ARHGAP24: variants seen among roughly 807,000 people sequenced by gnomAD.
ARHGAP24 encodes the protein rho GTPase-activating protein 24.
ARHGAP24 carries 50 observed loss-of-function variants against 76.4 expected under a neutral mutation model. The observed-to-expected ratio is 0.65, with a 90% CI of 0.52 to 0.83. The LOEUF is 0.83. Ranked by LOEUF, ARHGAP24 falls within the 40% of genes least tolerant of loss-of-function variation. The pLI, the probability that ARHGAP24 is intolerant of heterozygous loss-of-function variation, is 0.00. For missense variants in ARHGAP24, 930 were observed against 914.2 expected (o/e 1.02, Z -0.22); for synonymous variants, 345 against 323.3 (o/e 1.07, Z -0.72).
chr4:85,968,207 T>C (rs567187298), intron 5 of ARHGAP24, among the ~76,000 whole-genome samples: 1 of 152,250 alleles, frequency 6.6e-6, no homozygotes, highest in South Asian at 2.1e-4. Context: ...AAAAGAATTT[T>C]TGTCTGTGCA....
intron 3 of ARHGAP24, among the ~76,000 whole-genome samples, chr4:85,922,281 A>G (rs1156550531): frequency 6.6e-6 from 1 of 152,196 alleles, no homozygotes; most frequent in African/African-American, 2.4e-5. Flanking sequence ...GTCCTTCTCA[A>G]CCTAGAGCAT....
intron 3 of ARHGAP24, among the ~76,000 whole-genome samples, chr4:85,802,145 T>A (rs1372169884): frequency 6.6e-6 from 1 of 152,130 alleles, no homozygotes; most frequent in Admixed American, 6.6e-5. Context: ...GGATAAGAAT[T>A]AATAGCACTG....
chr4:85,714,447 T>C (rs1241922809), intron 2 of ARHGAP24, among the ~76,000 whole-genome samples: 1 of 110,330 alleles, frequency 9.1e-6, no homozygotes, highest in African/African-American at 3.5e-5. Context: ...AGATCTGCAG[T>C]TTACAATATA....
intron 2 of ARHGAP24, among the ~76,000 whole-genome samples, chr4:85,626,767 G>T (rs1720969365): frequency 6.6e-6 from 1 of 152,090 alleles, no homozygotes; most frequent in South Asian, 2.1e-4. Context: ...TGGAGGCTTT[G>T]TTGGTTTCTT....
intron 3 of ARHGAP24, among the ~76,000 whole-genome samples, chr4:85,779,461 CACA>C (rs1224127734): frequency 6.6e-6 from 1 of 152,146 alleles, no homozygotes; most frequent in Non-Finnish European, 1.5e-5. Context: ...CTAAACTCAT[CACA>C]GCTTGGTAGA....
chr4:85,497,774 C>T (rs1158845913), intron 1 of ARHGAP24, among the ~76,000 whole-genome samples: 1 of 152,024 alleles, frequency 6.6e-6, no homozygotes, highest in Non-Finnish European at 1.5e-5. Flanking sequence ...GAGCCAAGAT[C>T]GTGCCATTGC....
intron 3 of ARHGAP24, among the ~76,000 whole-genome samples, chr4:85,769,356 A>G (rs1443819956): frequency 3.3e-5 from 5 of 152,210 alleles, no homozygotes; most frequent in African/African-American, 1.2e-4. Flanking sequence ...TAAGTTTTAC[A>G]GTTAAATCTG....
At chr4:85,485,977 G>A (rs1371054080) in intron 1 of ARHGAP24, among the ~76,000 whole-genome samples, 3 of 152,074 alleles carry the variant, frequency 2.0e-5, no homozygotes, top group Non-Finnish European at 4.4e-5. Flanking sequence ...CACCTCAAGT[G>A]CTCCACTCAC....
chr4:85,523,796 T>C (rs541918436), intron 1 of ARHGAP24, among the ~76,000 whole-genome samples: 70 of 151,820 alleles, frequency 4.6e-4, no homozygotes, highest in African/African-American at 1.6e-3. Context: ...AGAAAGATTA[T>C]TTTTCTACCT....
intron 2 of ARHGAP24, among the ~76,000 whole-genome samples, chr4:85,708,871 T>C (rs996036867): frequency 2.6e-4 from 40 of 152,222 alleles, no homozygotes; most frequent in African/African-American, 8.0e-4. Context: ...ATCTTTTCTA[T>C]AGAGTCCTAC....
intron 3 of ARHGAP24, among the ~76,000 whole-genome samples, chr4:85,808,606 C>A (rs947898524): frequency 6.6e-6 from 1 of 152,140 alleles, no homozygotes; most frequent in Non-Finnish European, 1.5e-5. Flanking sequence ...TCTGACTTGA[C>A]TCTTAATATT....
At chr4:85,513,696 G>T (rs530798355) in intron 1 of ARHGAP24, among the ~76,000 whole-genome samples, 1 of 152,338 alleles carries the variant, frequency 6.6e-6, no homozygotes, top group East Asian at 1.9e-4. Flanking sequence ...CAAACTATGG[G>T]AAGGATTGGC....
At chr4:85,713,783 A>T (rs1318375136) in intron 2 of ARHGAP24, among the ~76,000 whole-genome samples, 1 of 152,116 alleles carries the variant, frequency 6.6e-6, no homozygotes, top group East Asian at 1.9e-4. Flanking sequence ...TTGGAATGGA[A>T]ATTGTTGGCA....
At chr4:85,831,420 A>G (rs1729987289) in intron 3 of ARHGAP24, among the ~76,000 whole-genome samples, 1 of 152,196 alleles carries the variant, frequency 6.6e-6, no homozygotes, top group African/African-American at 2.4e-5. Context: ...TAAAATCAAT[A>G]AAAAGAGAGA....
chr4:85,475,295 G>C lies in ARHGAP24; in HGVS notation c.-285G>C, dbSNP rs1309462606. The C allele has an allele frequency of 6.6e-6, 1 of 152,394 alleles. No individual in the cohort carries two copies. Among genetic ancestry groups the C allele is most frequent in the South Asian group, 2.1e-4 (1 of 4,838 alleles). The allele number at this position is 152,394 out of a possible 1,614,324, so 9.4% of individuals were successfully genotyped here. ...TGTCAAGGCTGCGGCGGGGACCAGA[G>C]AGGAGCCTGGCGGGGGTGGCTGGGT... On this transcript the variant is annotated 5_prime_UTR_variant, in exon 1 of 10. Coordinates refer to ENST00000395184, the MANE Select transcript of ARHGAP24 (RefSeq NM_001025616.3).
At chr4:85,997,543 A>G (rs1489988241) in intron 9 of ARHGAP24, among the ~76,000 whole-genome samples, 1 of 152,184 alleles carries the variant, frequency 6.6e-6, no homozygotes, top group African/African-American at 2.4e-5. Context: ...GTAGACAGAT[A>G]GATAATATTT....
At chr4:85,628,557 T>C (rs1416853947) in intron 2 of ARHGAP24, among the ~76,000 whole-genome samples, 1 of 152,216 alleles carries the variant, frequency 6.6e-6, no homozygotes, top group Non-Finnish European at 1.5e-5. Flanking sequence ...TCCTCACTGA[T>C]TTTCTGTCTG....
intron 2 of ARHGAP24, among the ~76,000 whole-genome samples, chr4:85,608,343 T>A (rs72982057): frequency 0.028 from 4,327 of 152,216 alleles, 202 homozygotes; most frequent in African/African-American, 0.099. Context: ...ACAAGTTGAA[T>A]GTTACCTGTT....
intron 3 of ARHGAP24, among the ~76,000 whole-genome samples, chr4:85,895,736 T>C (rs1485174987): frequency 6.6e-6 from 1 of 152,188 alleles, no homozygotes. Context: ...GAAGGGTGTT[T>C]TGTGAGAATT....
Sources: allele counts gnomAD v4.1 joint callset (sites outside exome capture counted in the v4.1 genomes callset), GRCh38; gene constraint gnomAD v4.1.1; transcripts MANE v1.5; gene names NCBI Gene and HGNC (gene_info 2026-07-23, HGNC 2026-07-21).